MECR: variants seen among roughly 807,000 people sequenced by gnomAD.
MECR encodes mitochondrial trans-2-enoyl-CoA reductase.
In MECR, 37 loss-of-function variants were observed where a neutral mutation model predicts 49.1. The ratio of observed to expected loss-of-function variants is 0.75; its 90% CI spans 0.58 to 0.99. The LOEUF (loss-of-function observed/expected upper bound fraction) is 0.99. Among genes scored for constraint, MECR ranks in the 50% least tolerant of loss-of-function variants. The probability of loss-of-function intolerance (pLI) is 0.00; values close to 1 mark genes in which losing one functional copy is unlikely to be tolerated. For missense variants in MECR, 470 were observed against 479.6 expected (o/e 0.98, Z 0.19); for synonymous variants, 198 against 191.1 (o/e 1.04, Z -0.30).
intron 3 of MECR, among the ~76,000 whole-genome samples, chr1:29,213,866 A>G (rs1020001881): frequency 6.6e-6 from 1 of 152,234 alleles, no homozygotes. Flanking sequence ...GTTAATATAC[A>G]TGAAGTGCTT....
At chr1:29,200,884 G>A (rs1474647291) in intron 6 of MECR, among the ~76,000 whole-genome samples, 2 of 152,020 alleles carry the variant, frequency 1.3e-5, no homozygotes, top group Non-Finnish European at 2.9e-5. Context: ...ACCCTCCTGG[G>A]CTCAAGCAAT....
chr1:29,184,316 A>G, the MECR span, among the ~76,000 whole-genome samples: 11 of 151,092 alleles, frequency 7.3e-5, 1 homozygote, highest in South Asian at 4.2e-4. Context: ...CTGGGATTAC[A>G]GGCATGTGCC....
Position 29,196,163 on chromosome 1 carries a change from G to A in MECR, c.891+35C>T, listed in dbSNP as rs780397494. ...GTGGCCTGGCTGAGGTGTCTGGCCCGGCTCCAGGCATGCCTCCCTCTGCAC... is the reference window on the plus strand; with the variant it reads ...GTGGCCTGGCTGAGGTGTCTGGCCCAGCTCCAGGCATGCCTCCCTCTGCAC... On this transcript the variant is annotated intron_variant, in intron 8 of 9. Transcript: ENST00000263702. 5.0e-6 allele frequency: 8 copies of A among 1,613,004 alleles called. No individual in the cohort carries two copies. In the Admixed American group the frequency reaches 5.0e-5, roughly 10 times the overall value.
Position 29,206,682 on chromosome 1 carries a change from C to T in MECR, c.550+80G>A, listed in dbSNP as rs373933606. The T allele has an allele frequency of 1.6e-5, 24 of 1,527,018 alleles. No homozygotes were observed. In the African/African-American group the frequency reaches 3.0e-4, roughly 19 times the overall value. The allele number at this position is 1,527,018 out of a possible 1,614,324, so 94.6% of individuals were successfully genotyped here. A position where few individuals can be genotyped will look rare whatever the true frequency, so the allele number is the denominator to read the frequency against. On this transcript the variant is annotated intron_variant, in intron 4 of 9. Coordinates refer to ENST00000263702, the MANE Select transcript of MECR (RefSeq NM_016011.5). ...CCTCAAAACCTCCACCTTGCAAGTT[C>T]TCCTGGCCTTGGGGTCAGGATGTGA...
chr1:29,196,331 T>C, intron 7 of MECR, 73 bp from the exon 8 acceptor site: 1 of 1,331,022 alleles, frequency 7.5e-7, no homozygotes, highest in Non-Finnish European at 1.0e-6. Flanking sequence ...GCCATGGCGC[T>C]TCTACTCCAA....
At chr1:29,178,892 C>T in the MECR span, among the ~76,000 whole-genome samples, 2 of 152,148 alleles carry the variant, frequency 1.3e-5, no homozygotes, top group South Asian at 4.1e-4. Context: ...GTAATGATTC[C>T]TCAATGATGC....
chr1:29,224,829 C>A (rs1681651093), intron 1 of MECR: 1 of 152,234 alleles, frequency 6.6e-6, no homozygotes, highest in African/African-American at 2.4e-5. Context: ...CACAGGTTCA[C>A]CTTGTGTCAT....
chr1:29,223,258 C>T (rs536434736), intron 1 of MECR: 7 of 985,278 alleles, frequency 7.1e-6, no homozygotes, highest in Non-Finnish European at 7.2e-6. Flanking sequence ...CAAGGCTGTA[C>T]ACCTGTGATG....
the MECR span, chr1:29,172,113 G>A: frequency 6.6e-6 from 1 of 151,892 alleles, no homozygotes; most frequent in Non-Finnish European, 1.5e-5. Context: ...ACACTTTTTT[G>A]GGGGGTAAGT....
chr1:29,219,156 T>A (rs1680176441), intron 1 of MECR, among the ~76,000 whole-genome samples: 1 of 152,222 alleles, frequency 6.6e-6, no homozygotes, highest in Non-Finnish European at 1.5e-5. Context: ...CAAGGAGGCA[T>A]CAGCCCAGAT....
chr1:29,210,655 A>G (rs1461037999), intron 3 of MECR, among the ~76,000 whole-genome samples: 6 of 152,052 alleles, frequency 3.9e-5, no homozygotes, highest in Non-Finnish European at 8.8e-5. Context: ...GGTGGGAGGG[A>G]GGCAGCACCC....
At position 29,224,812 on chromosome 1, in the gene MECR, C is replaced by G. The variant is rs530147676; in HGVS notation, c.176+5919G>C. 5 of 152,322 alleles carry G rather than the reference C, an allele frequency of 3.3e-5. No individual in the cohort carries two copies. The East Asian group carries it at 9.6e-4, about 29-fold the overall frequency. The allele number at this position is 152,322 out of a possible 1,614,324, so 9.4% of individuals were successfully genotyped here. ...GGACTGGAACACAGGCAAGAAACAT[C>G]CCAAGTCACAGGTTCACCTTGTGTC... On this transcript the variant is annotated intron_variant, in intron 1 of 9. Transcript: ENST00000263702.
Position 29,210,319 on chromosome 1 carries a change from A to C in MECR, c.407-3414T>G, listed in dbSNP as rs567669386. Among the ~76,000 whole-genome samples the C allele has an allele frequency of 4.6e-5, 7 of 152,274 alleles. No individual in the cohort carries two copies. In the South Asian group the frequency reaches 1.5e-3, roughly 32 times the overall value. ...GAGTCACTGTACCCGGCCCAGGAAC[A>C]CTTTTTATAGAAGGCTGTGTCAATC... On this transcript the variant is annotated intron_variant, in intron 3 of 9. Coordinates refer to ENST00000263702, the MANE Select transcript of MECR (RefSeq NM_016011.5).
At chr1:29,181,891 G>A in the MECR span, 1 of 576,886 alleles carries the variant, frequency 1.7e-6, no homozygotes, top group Non-Finnish European at 2.6e-6. Context: ...GGCGACGTAC[G>A]CGAGCACGCA....
the MECR span, chr1:29,182,133 C>T: frequency 3.8e-5 from 7 of 183,542 alleles, no homozygotes; most frequent in African/African-American, 9.4e-5. Context: ...TTCGCCCCTC[C>T]CCCGGAAGTG....
intron 5 of MECR, 32 bp downstream of exon 5, chr1:29,203,099 T>C: frequency 6.6e-7 from 1 of 1,512,150 alleles, no homozygotes; most frequent in Non-Finnish European, 9.0e-7. Flanking sequence ...ACCCAAGACA[T>C]GGTCTGGGAT....
chr1:29,206,164 T>C (rs61005537), intron 4 of MECR, among the ~76,000 whole-genome samples: 3,832 of 152,320 alleles, frequency 0.025, 72 homozygotes, highest in Middle Eastern at 0.085. Context: ...CTCCACGTTC[T>C]TTATTCTCCA....
intron 1 of MECR, among the ~76,000 whole-genome samples, chr1:29,222,290 G>A (rs995698463): frequency 3.9e-5 from 6 of 151,960 alleles, no homozygotes; most frequent in African/African-American, 1.5e-4. Context: ...GTAGAGACAG[G>A]GTTTTATCAT....
chr1:29,230,697 A>G, intron 1 of MECR, 34 bp downstream of exon 1: 1 of 1,552,258 alleles, frequency 6.4e-7, no homozygotes, highest in East Asian at 2.4e-5. Context: ...CAGAAACCCC[A>G]GTCCCCTTCC....
Sources: allele counts gnomAD v4.1 joint callset (sites outside exome capture counted in the v4.1 genomes callset), GRCh38; gene constraint gnomAD v4.1.1; transcripts MANE v1.5; gene names NCBI Gene and HGNC (gene_info 2026-07-23, HGNC 2026-07-21).